The following OASL variants were observed in gnomAD, a reference collection of about 807,000 sequenced individuals.
OASL encodes 2'-5'-oligoadenylate synthetase like.
In OASL, 28 loss-of-function variants were observed where a neutral mutation model predicts 35.3. That is an observed-to-expected ratio of 0.79 (90% CI 0.59 to 1.09). The LOEUF (loss-of-function observed/expected upper bound fraction) is 1.09. Among genes scored for constraint, OASL ranks in the 50% least tolerant of loss-of-function variants. The pLI is 0.00. For missense variants in OASL, 620 were observed against 635.2 expected, an observed-to-expected ratio of 0.98 and a Z score of 0.26; for synonymous variants, 252 against 254.6, an observed-to-expected ratio of 0.99 and a Z score of 0.10.
rs201829260 is a variant in OASL at position 121,020,816 on chromosome 12, G to T, written c.1290C>A (p.Ile430=). 4 of 1,614,102 alleles carry T rather than the reference G, an allele frequency of 2.5e-6. No homozygotes were observed. The African/African-American group carries it at 5.3e-5, about 22-fold the overall frequency. ...TCACGAAGACCTGGATCTCGGAGGG[G>T]ATGGTCTCCAGCAGATAGATGTGAG... Residue 430 remains isoleucine, a synonymous_variant, in exon 6 of 6, where the codon ATC becomes ATA. Coordinates refer to ENST00000257570, the Ensembl canonical transcript of OASL.
chr12:121,029,998 C>T (rs754294322), intron 3 of OASL, among the ~76,000 whole-genome samples: 11 of 152,234 alleles, frequency 7.2e-5, no homozygotes, highest in Non-Finnish European at 1.5e-4. Flanking sequence ...TCCTGAGCAG[C>T]TGAGACTACA....
At chr12:121,021,056 C>G in exon 6 of OASL, 5 of 1,571,224 alleles carry the variant, frequency 3.2e-6, no homozygotes, top group Non-Finnish European at 4.3e-6. Context: ...TGTCTCGTGC[C>G]CTCTGGAAGG....
chr12:121,027,953 C>T, intron 3 of OASL, 136 bp from the exon 4 acceptor site: 1 of 686,164 alleles, frequency 1.5e-6, no homozygotes, highest in Non-Finnish European at 2.5e-6. Context: ...TTGGCCATGT[C>T]ACATTCCATC....
At chr12:121,030,586 A>G (rs1299830077) in intron 3 of OASL, among the ~76,000 whole-genome samples, 1 of 151,232 alleles carries the variant, frequency 6.6e-6, no homozygotes, top group African/African-American at 2.4e-5. Context: ...ATAATAAATG[A>G]TTTTTGTCTC....
intron 5 of OASL, among the ~76,000 whole-genome samples, chr12:121,023,282 T>C (rs1429299831): frequency 2.2e-5 from 2 of 92,086 alleles, no homozygotes; most frequent in Non-Finnish European, 5.2e-5. Flanking sequence ...GTGTCTTTTT[T>C]TTTTCTTTTT....
exon 6 of OASL, chr12:121,020,494 A>C (rs2135898554): frequency 2.7e-6 from 4 of 1,479,730 alleles, no homozygotes; most frequent in Non-Finnish European, 3.7e-6. Flanking sequence ...ACAATGGGAC[A>C]GAGTGATTGA....
chr12:121,025,930 A>G (rs890034346), intron 4 of OASL, among the ~76,000 whole-genome samples: 1 of 152,080 alleles, frequency 6.6e-6, no homozygotes, highest in African/African-American at 2.4e-5. Context: ...ACTGCTCCCT[A>G]AAACAGTCCT....
chr12:121,033,823 C>T (rs1353050924), intron 1 of OASL, 80 bp from the exon 2 acceptor site: 1 of 1,464,546 alleles, frequency 6.8e-7, no homozygotes, highest in East Asian at 2.3e-5. Context: ...CATGCACTGT[C>T]TCACTGAATG....
intron 5 of OASL, among the ~76,000 whole-genome samples, chr12:121,021,670 G>A (rs1461159179): frequency 6.6e-6 from 1 of 152,196 alleles, no homozygotes; most frequent in Non-Finnish European, 1.5e-5. Flanking sequence ...AATTAGCCGG[G>A]TGTGGTGGCG....
At chr12:121,023,880 G>C in intron 5 of OASL, 110 bp downstream of exon 5, 1 of 1,325,262 alleles carries the variant, frequency 7.5e-7, no homozygotes, top group Non-Finnish European at 1.0e-6. Context: ...CTTAAACGGT[G>C]ACTCTAAAGT....
chr12:121,025,628 G>A (rs1022981911), intron 4 of OASL, among the ~76,000 whole-genome samples: 1 of 151,924 alleles, frequency 6.6e-6, no homozygotes. Flanking sequence ...AGGGCATGGC[G>A]GCAGGCGCCT....
chr12:121,038,981 G>A (rs768785257), exon 1 of OASL: 23 of 1,612,410 alleles, frequency 1.4e-5, no homozygotes, highest in African/African-American at 2.7e-5. Flanking sequence ...TCTCTGTCCC[G>A]AGAGTACCGC....
chr12:121,023,056 C>T (rs1592932015), intron 5 of OASL, among the ~76,000 whole-genome samples: 1 of 152,166 alleles, frequency 6.6e-6, no homozygotes, highest in Non-Finnish European at 1.5e-5. Context: ...AAGAGCTTTG[C>T]ACACTAGAAA....
chr12:121,025,516 G>C (rs1755927928), intron 4 of OASL, among the ~76,000 whole-genome samples: 1 of 151,944 alleles, frequency 6.6e-6, no homozygotes, highest in Non-Finnish European at 1.5e-5. Flanking sequence ...TATAATCCCA[G>C]CATTTTGTGG....
chr12:121,034,873 C>T (rs1869886957), intron 1 of OASL, among the ~76,000 whole-genome samples: 2 of 152,180 alleles, frequency 1.3e-5, no homozygotes, highest in South Asian at 4.1e-4. Context: ...ACAATCTCTT[C>T]TGCTGCCGGG....
intron 1 of OASL, among the ~76,000 whole-genome samples, chr12:121,036,202 G>T (rs1262109779): frequency 1.3e-5 from 2 of 152,110 alleles, no homozygotes; most frequent in East Asian, 3.9e-4. Context: ...TAAGATCCAG[G>T]CAGAGAGAAA....
In OASL at chr12:121,027,694, T is replaced by A. The variant is rs201256832; in HGVS notation, c.781A>T (p.Thr261Ser). 185 of 1,614,202 alleles carry A rather than the reference T, an allele frequency of 1.1e-4. No individual in the cohort carries two copies. The East Asian group carries it at 3.5e-3, about 31-fold the overall frequency. ...TCCAGGAGCAGGTCCATCACAGTGG[T>A]GAAGCCTTCGTCCAACATGAAATTC... The change falls in exon 4 of 6, where the codon ACC becomes TCC. Residue 261 changes from threonine to serine, a missense_variant. Transcript: ENST00000257570.
intron 2 of OASL, among the ~76,000 whole-genome samples, chr12:121,033,191 T>C (rs1869810524): frequency 6.6e-6 from 1 of 152,130 alleles, no homozygotes; most frequent in Non-Finnish European, 1.5e-5. Flanking sequence ...CCCAAAGTGC[T>C]GGGATTACAG....
chr12:121,031,480 T>C lies in OASL; in HGVS notation c.619A>G (p.Lys207Glu), dbSNP rs776774952. The C allele has an allele frequency of 3.7e-6, 6 of 1,613,834 alleles. No individual in the cohort carries two copies. In the African/African-American group the frequency reaches 8.0e-5, roughly 22 times the overall value. ...TGTTTCACCAGGCGCAGGAGGCTCTTCAGCTTAGTTGGCCGATGTTTCACG... is the reference window on the plus strand; with the variant it reads ...TGTTTCACCAGGCGCAGGAGGCTCTCCAGCTTAGTTGGCCGATGTTTCACG... Residue 207 changes from lysine to glutamate, a missense_variant, in exon 3 of 6, where the codon AAG becomes GAG. By Grantham distance (56) the Lys-to-Glu change is moderately conservative. Transcript: ENST00000257570.
Sources: allele counts gnomAD v4.1 joint callset (sites outside exome capture counted in the v4.1 genomes callset), GRCh38; gene constraint gnomAD v4.1.1; transcripts MANE v1.5; gene names NCBI Gene and HGNC (gene_info 2026-07-23, HGNC 2026-07-21).